The following PHC2 variants were observed in gnomAD, a reference collection of about 807,000 sequenced individuals.
PHC2 encodes the protein polyhomeotic homolog 2.
In PHC2, 29 loss-of-function variants were observed where a neutral mutation model predicts 87.4. The ratio of observed to expected loss-of-function variants is 0.33; its 90% CI spans 0.25 to 0.45. The LOEUF (loss-of-function observed/expected upper bound fraction) is 0.45. Among genes scored for constraint, PHC2 ranks in the 20% least tolerant of loss-of-function variants. PHC2 has a pLI of 1.00. For missense variants in PHC2, 857 were observed against 1,136.7 expected (o/e 0.75, Z 3.54); for synonymous variants, 438 against 461.7 (o/e 0.95, Z 0.66).
chr1:33,419,893 G>A (rs1277111865), intron 1 of PHC2, among the ~76,000 whole-genome samples: 2 of 151,546 alleles, frequency 1.3e-5, no homozygotes, highest in South Asian at 2.1e-4. Context: ...ACAGGCGTGA[G>A]CCACCGCGCC....
Position 33,372,424 on chromosome 1 carries a change from T to A in PHC2, c.198A>T (p.Arg66Ser). ...TVQVIQQALH[R>S]QPSTAAQYLQ... Reference sequence around the variant, plus strand: ...GGTACTGAGCGGCCGTGCTGGGCTGTCTGTGCAGGGCCTGCTGGATCACCT... The same window carrying A: ...GGTACTGAGCGGCCGTGCTGGGCTGACTGTGCAGGGCCTGCTGGATCACCT... The change falls in exon 3 of 15, where the codon AGA becomes AGT. Residue 66 changes from arginine (R) to serine (S), a missense_variant. Coordinates refer to ENST00000683057, the MANE Select transcript of PHC2 (RefSeq NM_001385109.1). 1 of 1,591,536 alleles carries A rather than the reference T, an allele frequency of 6.3e-7. No homozygotes were observed. Among genetic ancestry groups the A allele is most frequent in the African/African-American group, 1.3e-5 (1 of 74,422 alleles).
At chr1:33,430,731 G>A (rs1173471756) in intron 1 of PHC2, among the ~76,000 whole-genome samples, 2 of 150,716 alleles carry the variant, frequency 1.3e-5, no homozygotes, top group Non-Finnish European at 3.0e-5. Flanking sequence ...GCCGGTCGCC[G>A]GCCGGGACTG....
At chr1:33,361,015 C>G (rs2148302076) in intron 7 of PHC2, among the ~76,000 whole-genome samples, 1 of 152,278 alleles carries the variant, frequency 6.6e-6, no homozygotes, top group Non-Finnish European at 1.5e-5. Flanking sequence ...GTTGAGAATA[C>G]TGGAGGCAAT....
intron 1 of PHC2, among the ~76,000 whole-genome samples, chr1:33,408,478 T>G (rs1220963243): frequency 2.1e-4 from 32 of 152,166 alleles, no homozygotes; most frequent in Non-Finnish European, 7.4e-5. Context: ...GTTTTTGTTT[T>G]GAGATGAAGT....
intron 7 of PHC2, among the ~76,000 whole-genome samples, chr1:33,355,717 C>T (rs1165421056): frequency 3.3e-5 from 5 of 152,200 alleles, no homozygotes; most frequent in Non-Finnish European, 4.4e-5. Flanking sequence ...TCTGCTCAGG[C>T]GAGGCCTTCT....
chr1:33,329,495 A>T (rs1646441890), intron 13 of PHC2, among the ~76,000 whole-genome samples: 1 of 152,220 alleles, frequency 6.6e-6, no homozygotes, highest in Non-Finnish European at 1.5e-5. Context: ...TAAGACAAAA[A>T]AAAAATAAGG....
intron 9 of PHC2, among the ~76,000 whole-genome samples, chr1:33,337,858 T>C (rs1401757567): frequency 1.3e-5 from 2 of 152,168 alleles, no homozygotes; most frequent in African/African-American, 4.8e-5. Context: ...AGAGATCTGG[T>C]TGGTAAGATT....
chr1:33,418,344 A>G (rs1422271825), intron 1 of PHC2, among the ~76,000 whole-genome samples: 3 of 136,104 alleles, frequency 2.2e-5, no homozygotes, highest in African/African-American at 7.5e-5. Context: ...CAGAAAAAGG[A>G]GCAAGAGCAA....
intron 1 of PHC2, among the ~76,000 whole-genome samples, chr1:33,430,290 G>A (rs1207365482): frequency 3.3e-5 from 5 of 152,146 alleles, no homozygotes; most frequent in Non-Finnish European, 7.4e-5. Context: ...AGGGACCAGC[G>A]CCTTTCTAGG....
At chr1:33,393,410 G>C (rs1004363276) in intron 1 of PHC2, among the ~76,000 whole-genome samples, 9 of 151,252 alleles carry the variant, frequency 6.0e-5, no homozygotes, top group Non-Finnish European at 1.2e-4. Context: ...TCATTTAAAT[G>C]GTTGAACAAA....
At chr1:33,385,769 A>G (rs1182798661) in intron 1 of PHC2, among the ~76,000 whole-genome samples, 2 of 152,094 alleles carry the variant, frequency 1.3e-5, no homozygotes, top group Admixed American at 6.5e-5. Flanking sequence ...CAGGTCTAGT[A>G]ACTTTCTTGG....
intron 1 of PHC2, among the ~76,000 whole-genome samples, chr1:33,388,729 T>A (rs1224554280): frequency 1.3e-5 from 2 of 152,226 alleles, no homozygotes; most frequent in Non-Finnish European, 2.9e-5. Flanking sequence ...AGAATGGGCA[T>A]CATTCTATCA....
At chr1:33,422,587 T>C (rs902978576) in intron 1 of PHC2, among the ~76,000 whole-genome samples, 1 of 152,238 alleles carries the variant, frequency 6.6e-6, no homozygotes, top group African/African-American at 2.4e-5. Flanking sequence ...CCTGACCTAG[T>C]ACCACATTCC....
chr1:33,346,138 C>A, intron 9 of PHC2: 1 of 985,204 alleles, frequency 1.0e-6, no homozygotes, highest in Non-Finnish European at 1.2e-6. Flanking sequence ...AAAGAGAGAG[C>A]CATTTCTGTC....
At chr1:33,335,358 T>A in intron 9 of PHC2, 1 of 985,286 alleles carries the variant, frequency 1.0e-6, no homozygotes, top group Non-Finnish European at 1.2e-6. Context: ...ACCTGGAACT[T>A]CCTAAAAAAG....
intron 9 of PHC2, among the ~76,000 whole-genome samples, chr1:33,344,342 CACTAATATT>C (rs1437211822): frequency 3.3e-5 from 5 of 152,196 alleles, no homozygotes; most frequent in African/African-American, 1.2e-4. Flanking sequence ...ACTGCAGCAT[CACTAATATT>C]GTTAGATAAA....
chr1:33,411,529 TAAAG>T (rs1236461877), intron 1 of PHC2, among the ~76,000 whole-genome samples: 1 of 152,150 alleles, frequency 6.6e-6, no homozygotes, highest in African/African-American at 2.4e-5. Flanking sequence ...AGCATATTAA[TAAAG>T]AAAGTGATCA....
chr1:33,358,915 C>A (rs533662491), intron 7 of PHC2: 29 of 152,282 alleles, frequency 1.9e-4, no homozygotes, highest in Admixed American at 1.7e-3. Context: ...TTGCTTTGCA[C>A]TGCCCTCAGA....
chr1:33,363,223 A>G (rs1557834120), intron 7 of PHC2: 1 of 152,210 alleles, frequency 6.6e-6, no homozygotes, highest in Admixed American at 6.5e-5. Flanking sequence ...TGTTAAGCAA[A>G]ATATAAAGCC....
Sources: gnomAD v4.1 joint callset for allele counts (sites outside exome capture counted in the v4.1 genomes callset) on GRCh38, gnomAD v4.1.1 for gene constraint, MANE v1.5 for transcripts, NCBI Gene and HGNC (gene_info 2026-07-23, HGNC 2026-07-21) for gene names.